Variants in NCAM1 observed in about 807,000 individuals in gnomAD.
NCAM1 encodes neural cell adhesion molecule 1.
Under a neutral mutation model 109.8 loss-of-function variants are expected in NCAM1, and 14 were observed. The observed-to-expected ratio is 0.13, with a 90% CI of 0.08 to 0.20. The LOEUF (loss-of-function observed/expected upper bound fraction) is 0.20. Among genes scored for constraint, NCAM1 ranks in the 10% least tolerant of loss-of-function variants. NCAM1 has a pLI of 1.00. For missense variants in NCAM1, 774 were observed against 1,109.9 expected (o/e 0.70, Z 4.30); for synonymous variants, 418 against 442.9 (o/e 0.94, Z 0.70).
At chr11:113,265,043 G>A in intron 17 of NCAM1, 1 of 985,386 alleles carries the variant, frequency 1.0e-6, no homozygotes, top group Non-Finnish European at 1.2e-6. Context: ...CACACACCAT[G>A]GGGCCCCTTT....
At chr11:113,177,900 G>T (rs541556677) in intron 1 of NCAM1, among the ~76,000 whole-genome samples, 1 of 152,110 alleles carries the variant, frequency 6.6e-6, no homozygotes, top group African/African-American at 2.4e-5. Flanking sequence ...TTTTCCCATG[G>T]CCTCTCCCTT....
intron 1 of NCAM1, among the ~76,000 whole-genome samples, chr11:113,123,086 G>A (rs1158930283): frequency 2.0e-5 from 3 of 152,088 alleles, no homozygotes; most frequent in Non-Finnish European, 2.9e-5. Context: ...AGGAAGAGGG[G>A]AAGAATAGGT....
intron 1 of NCAM1, among the ~76,000 whole-genome samples, chr11:113,087,190 A>G (rs1350031140): frequency 2.0e-5 from 3 of 152,230 alleles, no homozygotes; most frequent in South Asian, 4.1e-4. Context: ...TTGGTAATGC[A>G]TATGAGAATC....
chr11:113,225,367 A>T (rs1410798855), intron 9 of NCAM1, among the ~76,000 whole-genome samples: 1 of 152,238 alleles, frequency 6.6e-6, no homozygotes, highest in Admixed American at 6.5e-5. Flanking sequence ...TGAAGTGAGA[A>T]GAGAAGTTTA....
chr11:113,242,424 G>A (rs892979435), intron 14 of NCAM1, among the ~76,000 whole-genome samples: 10 of 152,064 alleles, frequency 6.6e-5, no homozygotes, highest in South Asian at 2.1e-4. Context: ...GTTCAAGACC[G>A]GTCTGGGCAA....
intron 14 of NCAM1, chr11:113,242,764 T>G: frequency 1.3e-6 from 2 of 1,570,530 alleles, no homozygotes; most frequent in Non-Finnish European, 1.8e-6. Context: ...CATTCTCTCC[T>G]TCACCTTTCT....
At chr11:113,155,671 G>T (rs1385846521) in intron 1 of NCAM1, among the ~76,000 whole-genome samples, 3 of 152,148 alleles carry the variant, frequency 2.0e-5, no homozygotes, top group African/African-American at 7.2e-5. Flanking sequence ...TCTTCTTTCT[G>T]CAAGGTCCCA....
At chr11:113,230,557 A>G (rs908846349) in intron 9 of NCAM1, among the ~76,000 whole-genome samples, 1 of 152,194 alleles carries the variant, frequency 6.6e-6, no homozygotes, top group Non-Finnish European at 1.5e-5. Context: ...TGACATTGCA[A>G]TTCTGGGCTT....
At chr11:113,091,146 C>A (rs1286254196) in intron 1 of NCAM1, among the ~76,000 whole-genome samples, 1 of 152,148 alleles carries the variant, frequency 6.6e-6, no homozygotes, top group Admixed American at 6.5e-5. Flanking sequence ...GCCACACACA[C>A]TTTGTAGAAT....
intron 1 of NCAM1, among the ~76,000 whole-genome samples, chr11:113,102,132 G>T (rs140706601): frequency 9.9e-5 from 15 of 152,020 alleles, no homozygotes; most frequent in Non-Finnish European, 2.1e-4. Flanking sequence ...GTATAATGTC[G>T]AGAATAATCA....
At chr11:112,998,991 A>G (rs1331151983) in intron 1 of NCAM1, among the ~76,000 whole-genome samples, 1 of 152,168 alleles carries the variant, frequency 6.6e-6, no homozygotes, top group Non-Finnish European at 1.5e-5. Context: ...AAAAACAAAA[A>G]CAAGACCCCT....
At chr11:113,009,064 TGTTA>T (rs1951964403) in intron 1 of NCAM1, among the ~76,000 whole-genome samples, 1 of 152,136 alleles carries the variant, frequency 6.6e-6, no homozygotes, top group Non-Finnish European at 1.5e-5. Context: ...TCATGGAGAA[TGTTA>T]GTTAGCCTGA....
intron 1 of NCAM1, among the ~76,000 whole-genome samples, chr11:113,115,319 G>A (rs17508858): frequency 1.3e-5 from 2 of 152,140 alleles, no homozygotes; most frequent in African/African-American, 4.8e-5. Context: ...AAAGACAAAA[G>A]TTGAACCAAG....
At chr11:113,225,396 GAAAC>G (rs1473433514) in intron 9 of NCAM1, among the ~76,000 whole-genome samples, 15 of 152,276 alleles carry the variant, frequency 9.9e-5, no homozygotes, top group African/African-American at 3.1e-4. Flanking sequence ...AGAATAAAAA[GAAAC>G]AAACAAACCC....
chr11:113,149,458 A>T (rs916067837), intron 1 of NCAM1, among the ~76,000 whole-genome samples: 2 of 152,204 alleles, frequency 1.3e-5, no homozygotes, highest in Non-Finnish European at 2.9e-5. Flanking sequence ...AGGAAGTGGG[A>T]GAGTAGATAA....
At chr11:113,113,120 C>A (rs1269476196) in intron 1 of NCAM1, among the ~76,000 whole-genome samples, 1 of 152,036 alleles carries the variant, frequency 6.6e-6, no homozygotes, top group African/African-American at 2.4e-5. Context: ...GGGGACAGAC[C>A]AAGACTCCGT....
At position 113,003,541 on chromosome 11, in the gene NCAM1, A is replaced by AT. The variant is rs547339139; in HGVS notation, c.52+41884dup. 7.2e-5 allele frequency among the ~76,000 whole-genome samples: 11 copies of AT among 152,144 alleles called. No individual in the cohort carries two copies. The East Asian group carries it at 1.9e-3, about 27-fold the overall frequency. On this transcript the variant is annotated intron_variant, in intron 1 of 19. Coordinates refer to ENST00000316851, the MANE Select transcript of NCAM1 (RefSeq NM_181351.5). ...ACTATATCATTAGGGTGAAGAGTGG[A>AT]TTTTTTTCAGCTTGTTCAGATTTAT...
chr11:113,144,757 G>A (rs782729047), intron 1 of NCAM1, among the ~76,000 whole-genome samples: 1 of 152,154 alleles, frequency 6.6e-6, no homozygotes, highest in Non-Finnish European at 1.5e-5. Flanking sequence ...ACTGTAAAAT[G>A]GGAAAAATAC....
intron 1 of NCAM1, among the ~76,000 whole-genome samples, chr11:113,098,240 C>T (rs988136009): frequency 6.6e-6 from 1 of 152,078 alleles, no homozygotes; most frequent in African/African-American, 2.4e-5. Context: ...AGTTGTCCCT[C>T]GGTATAGAGG....
Sources: allele counts gnomAD v4.1 joint callset (sites outside exome capture counted in the v4.1 genomes callset), GRCh38; gene constraint gnomAD v4.1.1; transcripts MANE v1.5; gene names NCBI Gene and HGNC (gene_info 2026-07-23, HGNC 2026-07-21).